Variants in MKX observed in about 807,000 individuals in gnomAD.
MKX encodes mohawk homeobox, also known as homeobox protein Mohawk.
In MKX, 13 loss-of-function variants were observed where a neutral mutation model predicts 36.0. That is an observed-to-expected ratio of 0.36 (90% confidence interval 0.24 to 0.57). The LOEUF is 0.57. Among genes scored for constraint, MKX ranks in the 20% least tolerant of loss-of-function variants. The pLI is 0.79. For synonymous variants in MKX, 176 were observed against 178.3 expected, an observed-to-expected ratio of 0.99 and a Z score of 0.10; for missense variants, 458 against 456.4, an observed-to-expected ratio of 1.00 and a Z score of -0.03.
rs17756631 is a variant in MKX at position 27,675,205 on chromosome 10, T to C, written c.*24A>G. 100,771 of 1,604,956 alleles carry C rather than the reference T, an allele frequency of 0.063. 5,919 individuals carry two copies. The highest frequency in any genetic ancestry group is 0.31 in the East Asian group (13,878 of 44,732). On this transcript the variant is annotated 3_prime_UTR_variant, in exon 7 of 7. Coordinates refer to ENST00000419761, the MANE Select transcript of MKX (RefSeq NM_173576.3). ...ATGAAAACACCGGAAAGAACATCCA[T>C]TGGATCTGAAAAGCAACAAGCTCTT...
chr10:27,728,853 G>A (rs1834553560), intron 5 of MKX, among the ~76,000 whole-genome samples: 1 of 152,124 alleles, frequency 6.6e-6, no homozygotes, highest in African/African-American at 2.4e-5. Context: ...TTTGGAGATG[G>A]CAGTTGGACT....
At chr10:27,725,673 CAA>C (rs77841873) in intron 5 of MKX, among the ~76,000 whole-genome samples, 3 of 131,512 alleles carry the variant, frequency 2.3e-5, no homozygotes, top group Admixed American at 7.6e-5. Flanking sequence ...CTGCAACTAA[CAA>C]AAAAAAAAAA....
chr10:27,734,878 TAAAGGAAATATA>T, intron 4 of MKX, 87 bp from the exon 5 acceptor site: 2 of 743,780 alleles, frequency 2.7e-6, no homozygotes, highest in Non-Finnish European at 3.9e-6. Context: ...TAAAAATATA[TAAAGGAAATATA>T]TTTAAAGTAT....
chr10:27,696,261 T>C (rs1836552300), intron 5 of MKX, among the ~76,000 whole-genome samples: 1 of 152,170 alleles, frequency 6.6e-6, no homozygotes, highest in South Asian at 2.1e-4. Context: ...TCTGCTCATC[T>C]GTGAAATAGA....
chr10:27,741,509 G>C lies in MKX; in HGVS notation c.189-5C>G. The C allele has an allele frequency of 6.3e-7, 1 of 1,584,020 alleles. No individual in the cohort carries two copies. Among genetic ancestry groups the C allele is most frequent in the Non-Finnish European group, 8.6e-7 (1 of 1,168,186 alleles). On this transcript the variant is annotated splice_polypyrimidine_tract_variant and splice_region_variant and intron_variant, in intron 2 of 6. Coordinates refer to ENST00000419761, the MANE Select transcript of MKX (RefSeq NM_173576.3). The surrounding 1 kb of genome is among the most constrained non-coding windows in gnomAD (Gnocchi z 5.1). ...TTCCCGCCATTCTGCCGGGCGCTGG[G>C]ACATGGGGAGAGGAGGCGGCCCTGG...
At chr10:27,680,079 G>A (rs1228583631) in intron 5 of MKX, among the ~76,000 whole-genome samples, 1 of 152,118 alleles carries the variant, frequency 6.6e-6, no homozygotes, top group African/African-American at 2.4e-5. Flanking sequence ...TGTTGTGAAA[G>A]AGGGAAAATG....
intron 5 of MKX, among the ~76,000 whole-genome samples, chr10:27,676,597 C>T (rs1160646280): frequency 1.3e-5 from 2 of 151,944 alleles, no homozygotes; most frequent in East Asian, 1.9e-4. Context: ...AGGCTGATCT[C>T]GAACTCCTGA....
At position 27,734,447 on chromosome 10, in the gene MKX, C is replaced by T. The variant is rs773917993; in HGVS notation, c.838+9G>A. 9.3e-6 allele frequency: 15 copies of T among 1,609,902 alleles called. No homozygotes were observed. The highest frequency in any genetic ancestry group is 5.5e-5 in the South Asian group (5 of 90,428). ...ATCGCAGGAATTACTACAGAAAGCA[C>T]GGACTTACCTGTGCGATAGACAAAG... is the stretch of plus-strand genomic sequence containing the variant. On this transcript the variant is annotated intron_variant, in intron 5 of 6. Transcript: ENST00000419761.
At chr10:27,732,132 G>GAC (rs1834644581) in intron 5 of MKX, among the ~76,000 whole-genome samples, 2 of 152,014 alleles carry the variant, frequency 1.3e-5, no homozygotes, top group Non-Finnish European at 2.9e-5. Context: ...GAAAGATCTT[G>GAC]ACTTTTATGC....
In MKX at chr10:27,698,166, G is replaced by A. The variant is rs540880783; in HGVS notation, c.839-22612C>T. Among the ~76,000 whole-genome samples, 3 of 152,284 alleles carry A rather than the reference G, an allele frequency of 2.0e-5. 1 individual carries two copies. In the Middle Eastern group the frequency reaches 0.01, roughly 518 times the overall value. On this transcript the variant is annotated intron_variant, in intron 5 of 6. Transcript: ENST00000419761. ...TTTTGTTTGAGCTGAAATAAATGGA[G>A]AATATGAAAGGGCAGCTGGAAAATG...
chr10:27,709,051 C>A (rs1461649478), intron 5 of MKX, among the ~76,000 whole-genome samples: 2 of 151,984 alleles, frequency 1.3e-5, no homozygotes, highest in Non-Finnish European at 2.9e-5. Context: ...TGCCTGTAAT[C>A]CCAGCTACTT....
rs533430752 is a variant in MKX, at chr10:27,737,992, TTAAC to T, written c.349-2622_349-2619del. Among the ~76,000 whole-genome samples, 22 of 152,196 alleles carry T rather than the reference TTAAC, an allele frequency of 1.4e-4. No homozygotes were observed. In the South Asian group the frequency reaches 1.9e-3, roughly 13 times the overall value. ...TAAATGATTTAAATGTCACAGGGGATTAACTAACTTTTCATGTATAGGAGTCATA... is the reference window on the plus strand; with the variant it reads ...TAAATGATTTAAATGTCACAGGGGATTAACTTTTCATGTATAGGAGTCATA... On this transcript the variant is annotated intron_variant, in intron 3 of 6. Transcript: ENST00000419761.
At chr10:27,693,261 C>T (rs1402921441) in intron 5 of MKX, among the ~76,000 whole-genome samples, 1 of 152,114 alleles carries the variant, frequency 6.6e-6, no homozygotes, top group East Asian at 1.9e-4. Context: ...GACCACTCCT[C>T]CCAATGGCCA....
rs1554770421 is a variant in MKX at position 27,694,527 on chromosome 10, A to AT, written c.839-18974_839-18973insA. 2.5e-3 allele frequency among the ~76,000 whole-genome samples: 282 copies of AT among 114,336 alleles called. 1 individual carries two copies. Among genetic ancestry groups the AT allele is most frequent in the African/African-American group, 4.3e-3 (130 of 30,088 alleles). The allele number at this position is 114,336 out of a possible 152,430, so 75.0% of individuals were successfully genotyped here. ...AACCCCGTCTCTACTAAAAAAAAAA[A>AT]ATATATATATATATATAAATTAGCC... On this transcript the variant is annotated intron_variant, in intron 5 of 6. Coordinates refer to ENST00000419761, the MANE Select transcript of MKX (RefSeq NM_173576.3).
rs1230989696 is a variant in MKX, at chr10:27,674,222, T to A, written c.*1007A>T. On this transcript the variant is annotated 3_prime_UTR_variant, in exon 7 of 7. Coordinates refer to ENST00000419761, the MANE Select transcript of MKX (RefSeq NM_173576.3). ...GTTTTAAATTTAAAAATCAATTTTATGTATGTATATGTATAGCCGCACAGA... is the reference window on the plus strand; with the variant it reads ...GTTTTAAATTTAAAAATCAATTTTAAGTATGTATATGTATAGCCGCACAGA... 2.0e-5 allele frequency: 3 copies of A among 152,284 alleles called. No individual in the cohort carries two copies. Among genetic ancestry groups the A allele is most frequent in the African/African-American group, 7.2e-5 (3 of 41,468 alleles). 9.4% of individuals were successfully genotyped at this position (152,284 alleles called of 1,614,324 possible).
chr10:27,707,624 C>T (rs573674933), intron 5 of MKX, among the ~76,000 whole-genome samples: 3 of 152,312 alleles, frequency 2.0e-5, no homozygotes, highest in Non-Finnish European at 4.4e-5. Flanking sequence ...CCAGGCTTGC[C>T]GCCCTGCGTC....
chr10:27,735,022 G>T (rs969040462), intron 4 of MKX, among the ~76,000 whole-genome samples, 199 bp downstream of exon 4: 5 of 151,932 alleles, frequency 3.3e-5, no homozygotes, highest in Non-Finnish European at 7.4e-5. Flanking sequence ...TCTGACACAT[G>T]GTATATCTAT....
chr10:27,736,882 C>T (rs1834790973), intron 3 of MKX, among the ~76,000 whole-genome samples: 1 of 152,114 alleles, frequency 6.6e-6, no homozygotes, highest in Non-Finnish European at 1.5e-5. Flanking sequence ...CTCACTGTGG[C>T]ATTTCAGAAG....
At chr10:27,694,916 A>G (rs572723274) in intron 5 of MKX, among the ~76,000 whole-genome samples, 10 of 151,776 alleles carry the variant, frequency 6.6e-5, no homozygotes, top group Admixed American at 5.9e-4. Context: ...AGCAGCCAGG[A>G]AAACCCTCCA....
Sources: allele counts gnomAD v4.1 joint callset (sites outside exome capture counted in the v4.1 genomes callset), GRCh38; gene constraint gnomAD v4.1.1; non-coding constraint Gnocchi (gnomAD v3.1); transcripts MANE v1.5; gene names NCBI Gene and HGNC (gene_info 2026-07-23, HGNC 2026-07-21).